Variants in IQCB1 observed in about 807,000 individuals in gnomAD.
The protein encoded by IQCB1 is IQ calmodulin-binding motif-containing protein 1.
In IQCB1, 56 loss-of-function variants were observed where a neutral mutation model predicts 84.4. The ratio of observed to expected loss-of-function variants is 0.66; its 90% CI spans 0.54 to 0.83. IQCB1 has a LOEUF of 0.83. Ranked by LOEUF, IQCB1 falls within the 40% of genes least tolerant of loss-of-function variation. IQCB1 has a pLI of 0.00. For missense variants in IQCB1, 629 were observed against 682.1 expected, an observed-to-expected ratio of 0.92 and a Z score of 0.87; for synonymous variants, 210 against 234.8, an observed-to-expected ratio of 0.89 and a Z score of 0.96.
At chr3:121,820,869 A>G (rs1314344117) in intron 5 of IQCB1, among the ~76,000 whole-genome samples, 2 of 151,968 alleles carry the variant, frequency 1.3e-5, no homozygotes, top group Non-Finnish European at 2.9e-5. Flanking sequence ...TTACTACAAT[A>G]ATTTAAAATG....
chr3:121,782,562 T>C (rs974073410), intron 12 of IQCB1, among the ~76,000 whole-genome samples: 1 of 152,244 alleles, frequency 6.6e-6, no homozygotes, highest in Non-Finnish European at 1.5e-5. Context: ...TTTTGTTTTG[T>C]TTTTCATTTT....
At chr3:121,828,757 G>T in intron 3 of IQCB1, 104 bp downstream of exon 3, 2 of 1,006,380 alleles carry the variant, frequency 2.0e-6, no homozygotes, top group Non-Finnish European at 3.1e-6. Context: ...CTATTATAGT[G>T]TTAAGACCTC....
At chr3:121,809,333 C>T (rs1949734721) in intron 5 of IQCB1, among the ~76,000 whole-genome samples, 1 of 151,986 alleles carries the variant, frequency 6.6e-6, no homozygotes, top group African/African-American at 2.4e-5. Context: ...TACATCTATG[C>T]ACAAGCTTTA....
intron 5 of IQCB1, among the ~76,000 whole-genome samples, chr3:121,823,404 T>C (rs1387594678): frequency 6.6e-6 from 1 of 151,908 alleles, no homozygotes; most frequent in South Asian, 2.1e-4. Flanking sequence ...AAAGTAAAAT[T>C]GCTGAAAATA....
In IQCB1 at chr3:121,817,280, G is replaced by C. The variant is rs147358104; in HGVS notation, c.394-8271C>G. Among the ~76,000 whole-genome samples the C allele has an allele frequency of 2.3e-3, 350 of 152,184 alleles. 13 individuals carry two copies. The highest frequency in any genetic ancestry group is 0.02 in the East Asian group (105 of 5,178). ...TCAGGGGGTAGGGAGCAAGGGGAGG[G>C]ATAGCATTAGGACAAATACCTAATG... On this transcript the variant is annotated intron_variant, in intron 5 of 14. Coordinates refer to ENST00000310864, the MANE Select transcript of IQCB1 (RefSeq NM_001023570.4).
intron 14 of IQCB1, 89 bp from the exon 15 acceptor site, chr3:121,770,663 G>A: frequency 1.0e-6 from 1 of 955,694 alleles, no homozygotes; most frequent in Admixed American, 1.7e-5. Flanking sequence ...TAACTCTGCA[G>A]GCAGAAACAG....
chr3:121,815,827 T>C (rs1318750073), intron 5 of IQCB1, among the ~76,000 whole-genome samples: 1 of 150,642 alleles, frequency 6.6e-6, no homozygotes, highest in African/African-American at 2.4e-5. Flanking sequence ...AAGATGGCCA[T>C]ACTGCCCAAA....
At chr3:121,772,158 A>G (rs144121290) in intron 14 of IQCB1, among the ~76,000 whole-genome samples, 84 of 152,310 alleles carry the variant, frequency 5.5e-4, no homozygotes, top group Non-Finnish European at 1.0e-3. Context: ...CTGGCAACAG[A>G]GCAAGACTCC....
At chr3:121,798,353 T>A (rs1346525409) in intron 8 of IQCB1, among the ~76,000 whole-genome samples, 1 of 151,880 alleles carries the variant, frequency 6.6e-6, no homozygotes, top group Non-Finnish European at 1.5e-5. Flanking sequence ...TAACCCTATG[T>A]TAATAAGTAT....
At chr3:121,818,108 T>C (rs1248713855) in intron 5 of IQCB1, among the ~76,000 whole-genome samples, 1 of 152,240 alleles carries the variant, frequency 6.6e-6, no homozygotes, top group African/African-American at 2.4e-5. Context: ...GAGTTATTAA[T>C]ATCTGTCCAT....
At chr3:121,788,702 TAAA>T (rs201220723) in intron 11 of IQCB1, among the ~76,000 whole-genome samples, 1 of 124,402 alleles carries the variant, frequency 8.0e-6, no homozygotes, top group African/African-American at 3.0e-5. Context: ...CAAAGAACAC[TAAA>T]AAAAAAAAAA....
chr3:121,781,986 G>T (rs1948516253), intron 12 of IQCB1, 112 bp from the exon 13 acceptor site: 1 of 1,091,746 alleles, frequency 9.2e-7, no homozygotes, highest in Non-Finnish European at 1.4e-6. Context: ...AACTCTGAGT[G>T]TGTATAAGGA....
At chr3:121,789,756 C>G (rs1278023660) in intron 11 of IQCB1, among the ~76,000 whole-genome samples, 3 of 152,196 alleles carry the variant, frequency 2.0e-5, no homozygotes, top group Non-Finnish European at 1.5e-5. Flanking sequence ...AATATTCCAA[C>G]TCCTTGTTTC....
intron 5 of IQCB1, 141 bp from the exon 6 acceptor site, chr3:121,809,150 G>T: frequency 1.6e-6 from 1 of 607,192 alleles, no homozygotes. Flanking sequence ...TGATTTTGTT[G>T]CCTTTAGTTT....
In IQCB1 at chr3:121,828,588, T is replaced by G; in HGVS notation, c.145A>C (p.Ile49Leu). 6.2e-7 allele frequency: 1 copy of G among 1,604,364 alleles called. No individual in the cohort carries two copies. The highest frequency in any genetic ancestry group is 8.5e-7 in the Non-Finnish European group (1 of 1,171,324). ...TPLGSSELKK[I>L]KQDIYCYDLI... Reference sequence around the variant, plus strand: ...TCATAACAATATATATCTTGTTTGATTTTCTTCAACTCTGAGCTTCCTAAA... The same window carrying G: ...TCATAACAATATATATCTTGTTTGAGTTTCTTCAACTCTGAGCTTCCTAAA... Residue 49 changes from isoleucine (I) to leucine (L), a missense_variant, in exon 4 of 15, where the codon ATC becomes CTC. Ile to Leu is a conservative substitution (Grantham distance 5). Transcript: ENST00000310864.
At chr3:121,808,832 G>A in intron 6 of IQCB1, 84 bp downstream of exon 6, 1 of 795,888 alleles carries the variant, frequency 1.3e-6, no homozygotes, top group Non-Finnish European at 2.2e-6. Flanking sequence ...AGTTCATGTG[G>A]CATTTGTTTT....
At chr3:121,771,539 T>C (rs551952704) in intron 14 of IQCB1, among the ~76,000 whole-genome samples, 1 of 151,510 alleles carries the variant, frequency 6.6e-6, no homozygotes, top group Non-Finnish European at 1.5e-5. Context: ...ATGTTGGTCA[T>C]GCTGGTCTCG....
chr3:121,797,011 T>C, intron 9 of IQCB1, 107 bp downstream of exon 9: 1 of 747,444 alleles, frequency 1.3e-6, no homozygotes, highest in Non-Finnish European at 2.4e-6. Flanking sequence ...TTTGGGGGTA[T>C]TTTGCTTGAA....
intron 5 of IQCB1, among the ~76,000 whole-genome samples, chr3:121,810,554 ATG>A (rs1261556497): frequency 1.3e-5 from 2 of 151,696 alleles, no homozygotes; most frequent in African/African-American, 2.4e-5. Context: ...TATATTTATA[ATG>A]AAAGTAATAT....
Sources: gnomAD v4.1 joint callset for allele counts (sites outside exome capture counted in the v4.1 genomes callset) on GRCh38, gnomAD v4.1.1 for gene constraint, MANE v1.5 for transcripts, NCBI Gene and HGNC (gene_info 2026-07-23, HGNC 2026-07-21) for gene names.